Variants in FAM120A observed in about 807,000 individuals in gnomAD.
FAM120A encodes constitutive coactivator of PPAR-gamma-like protein 1.
A neutral mutation model predicts 109.7 loss-of-function variants in FAM120A; 15 were observed. The observed-to-expected ratio is 0.14, with a 90% CI of 0.09 to 0.21. FAM120A has a LOEUF of 0.21. Among genes scored for constraint, FAM120A ranks in the 10% least tolerant of loss-of-function variants. FAM120A has a pLI of 1.00. For missense variants in FAM120A, 899 were observed against 1,439.3 expected (o/e 0.62, Z 6.07); for synonymous variants, 493 against 572.8 (o/e 0.86, Z 1.99).
chr9:93,518,947 C>T (rs1004002044), intron 7 of FAM120A, among the ~76,000 whole-genome samples: 2 of 151,936 alleles, frequency 1.3e-5, no homozygotes, highest in African/African-American at 4.8e-5. Flanking sequence ...TTTTAAAGCT[C>T]ATTAGCTATT....
chr9:93,534,233 A>C (rs1331937119), intron 10 of FAM120A, among the ~76,000 whole-genome samples: 1 of 152,118 alleles, frequency 6.6e-6, no homozygotes, highest in African/African-American at 2.4e-5. Context: ...AAGGGCCAGA[A>C]TATGCAGAGC....
At chr9:93,519,898 C>G (rs1588875453) in intron 7 of FAM120A, among the ~76,000 whole-genome samples, 1 of 152,054 alleles carries the variant, frequency 6.6e-6, no homozygotes, top group Middle Eastern at 3.4e-3. Flanking sequence ...TTTTTAGGGA[C>G]AGGGTCTTGC....
At chr9:93,493,886 G>C (rs1001203142) in intron 3 of FAM120A, among the ~76,000 whole-genome samples, 1 of 152,218 alleles carries the variant, frequency 6.6e-6, no homozygotes, top group Non-Finnish European at 1.5e-5. Context: ...CTCCTGGAGC[G>C]CTCTCTCAGT....
At position 93,532,006 on chromosome 9, in the gene FAM120A, ACATCTT is replaced by A; in HGVS notation, c.1735-148_1735-143del. On this transcript the variant is annotated intron_variant, in intron 9 of 17. Coordinates refer to ENST00000277165, the MANE Select transcript of FAM120A (RefSeq NM_014612.5). This position sits in a 1 kb window ranked among gnomAD's most constrained non-coding sequence, Gnocchi z 4.3. ...AGCCTGCCAAATGAACTCTTCCTAA[ACATCTT>A]TATTTAGGCAAGTTGTTAAGCAGTT... The A allele has an allele frequency of 1.3e-6, 1 of 747,578 alleles. No individual in the cohort carries two copies. The highest frequency in any genetic ancestry group is 2.2e-6 in the Non-Finnish European group (1 of 453,482). The allele number at this position is 747,578 out of a possible 1,614,324, so 46.3% of individuals were successfully genotyped here.
Position 93,498,219 on chromosome 9 carries a change from C to T in FAM120A, c.934-571C>T, listed in dbSNP as rs1391608258. On this transcript the variant is annotated intron_variant, in intron 4 of 17. Coordinates refer to ENST00000277165, the MANE Select transcript of FAM120A (RefSeq NM_014612.5). The surrounding 1 kb of genome is among the most constrained non-coding windows in gnomAD (Gnocchi z 4.4). ...ACTAGCCTGGCCAACATGGTGAAACCCTGTCTCTATTAAAAATACAAAAAT... is the reference window on the plus strand; with the variant it reads ...ACTAGCCTGGCCAACATGGTGAAACTCTGTCTCTATTAAAAATACAAAAAT... 1.3e-5 allele frequency among the ~76,000 whole-genome samples: 2 copies of T among 152,152 alleles called. No individual in the cohort carries two copies. Among genetic ancestry groups the T allele is most frequent in the African/African-American group, 2.4e-5 (1 of 41,432 alleles).
intron 16 of FAM120A, 45 bp from the exon 17 acceptor site, chr9:93,562,163 G>A (rs768833044): frequency 7.0e-7 from 1 of 1,435,082 alleles, no homozygotes; most frequent in Non-Finnish European, 9.8e-7. Flanking sequence ...AATGTTGTCT[G>A]TAACAGATTT....
intron 8 of FAM120A, among the ~76,000 whole-genome samples, chr9:93,528,723 A>G (rs1861197009): frequency 6.6e-6 from 1 of 152,164 alleles, no homozygotes; most frequent in Non-Finnish European, 1.5e-5. Flanking sequence ...GTGGCTTAGC[A>G]GGTTTTTGGG....
intron 10 of FAM120A, among the ~76,000 whole-genome samples, chr9:93,538,388 A>G (rs1020663606): frequency 1.1e-4 from 17 of 152,214 alleles, no homozygotes; most frequent in African/African-American, 3.4e-4. Context: ...AGAAGGAAAA[A>G]AAACAGTCTT....
At chr9:93,541,067 ATGTGTGTGGTGGGGGG>A (rs892593288) in intron 10 of FAM120A, among the ~76,000 whole-genome samples, 1 of 41,596 alleles carries the variant, frequency 2.4e-5, no homozygotes, top group Non-Finnish European at 5.2e-5. Context: ...GTATTGTGGT[ATGTGTGTGGTGGGGGG>A]TGTGTGTGGT....
rs745985423 is a variant in FAM120A at position 93,471,154 on chromosome 9, T to C, written c.488T>C (p.Ile163Thr). 1.2e-6 allele frequency: 2 copies of C among 1,614,196 alleles called. No homozygotes were observed. Among genetic ancestry groups the C allele is most frequent in the South Asian group, 2.2e-5 (2 of 91,080 alleles). The change falls in exon 2 of 18, where the codon ATT (isoleucine) becomes ACT (threonine). Residue 163 changes from isoleucine (I) to threonine (T), a missense_variant. Ile to Thr is a moderately conservative substitution (Grantham distance 89). Transcript: ENST00000277165. ...CTCGTTTGCCAGGTTGCACAGAGCATTGAGGATCACCATCAGGAAGTGATT... is the reference window on the plus strand; with the variant it reads ...CTCGTTTGCCAGGTTGCACAGAGCACTGAGGATCACCATCAGGAAGTGATT... ...IRFHVKVAQS[I>T]EDHHQEVIGF...
At chr9:93,494,930 C>T (rs1438939752) in intron 3 of FAM120A, among the ~76,000 whole-genome samples, 1 of 152,184 alleles carries the variant, frequency 6.6e-6, no homozygotes, top group Non-Finnish European at 1.5e-5. Context: ...GGGCTGAATA[C>T]CTTTGGGCCG....
Position 93,451,837 on chromosome 9 carries a change from C to A in FAM120A, c.-79C>A. 3 of 967,786 alleles carry A rather than the reference C, an allele frequency of 3.1e-6. No homozygotes were observed. The highest frequency in any genetic ancestry group is 3.7e-6 in the Non-Finnish European group (3 of 817,188). 59.9% of individuals were successfully genotyped at this position (967,786 alleles called of 1,614,324 possible). On this transcript the variant is annotated 5_prime_UTR_variant, in exon 1 of 18. Coordinates refer to ENST00000277165, the MANE Select transcript of FAM120A (RefSeq NM_014612.5). ...GAGGCCGCCGCCCCCGCCCGCCAGCCCGCCCGCGCGCCACGGCCCCACCAC... is the reference window on the plus strand; with the variant it reads ...GAGGCCGCCGCCCCCGCCCGCCAGCACGCCCGCGCGCCACGGCCCCACCAC...
At chr9:93,525,107 G>A (rs1477003373) in intron 7 of FAM120A, among the ~76,000 whole-genome samples, 1 of 151,592 alleles carries the variant, frequency 6.6e-6, no homozygotes, top group Non-Finnish European at 1.5e-5. Context: ...CTCAAAAACT[G>A]TTTCTTGTCA....
chr9:93,564,163 T>C (rs568517421), intron 17 of FAM120A, 66 bp from the exon 18 acceptor site: 7 of 1,513,748 alleles, frequency 4.6e-6, no homozygotes, highest in African/African-American at 2.8e-5. Flanking sequence ...TAGGCCAAAA[T>C]TGGCATCCTC....
chr9:93,500,713 G>T lies in FAM120A; in HGVS notation c.1030+1827G>T, dbSNP rs925800835. On this transcript the variant is annotated intron_variant, in intron 5 of 17. Coordinates refer to ENST00000277165, the MANE Select transcript of FAM120A (RefSeq NM_014612.5). This position sits in a 1 kb window ranked among gnomAD's most constrained non-coding sequence, Gnocchi z 4.6. ...GGGCACAGAGCATCAGCAGGAGGGAGACTAGCTGTATACTGTTTCATCAGT... is the reference window on the plus strand; with the variant it reads ...GGGCACAGAGCATCAGCAGGAGGGATACTAGCTGTATACTGTTTCATCAGT... Among the ~76,000 whole-genome samples, 5 of 152,242 alleles carry T rather than the reference G, an allele frequency of 3.3e-5. No individual in the cohort carries two copies. The highest frequency in any genetic ancestry group is 1.2e-4 in the African/African-American group (5 of 41,444).
At chr9:93,487,741 T>C (rs775900629) in intron 3 of FAM120A, among the ~76,000 whole-genome samples, 3 of 152,226 alleles carry the variant, frequency 2.0e-5, no homozygotes, top group Non-Finnish European at 2.9e-5. Flanking sequence ...TTCTTGATTG[T>C]GATAGTAGTT....
chr9:93,459,123 A>T (rs1421690594), intron 1 of FAM120A, among the ~76,000 whole-genome samples: 1 of 152,176 alleles, frequency 6.6e-6, no homozygotes, highest in African/African-American at 2.4e-5. Context: ...TTCTTCATGG[A>T]ATCTCTTGAT....
At chr9:93,554,295 G>A (rs767956777) in intron 12 of FAM120A, among the ~76,000 whole-genome samples, 6 of 152,090 alleles carry the variant, frequency 3.9e-5, no homozygotes, top group African/African-American at 9.7e-5. Context: ...GCAGATAGCC[G>A]TTTGCCGGGT....
intron 5 of FAM120A, among the ~76,000 whole-genome samples, chr9:93,501,185 G>C (rs1859785172): frequency 6.6e-6 from 1 of 152,158 alleles, no homozygotes; most frequent in Non-Finnish European, 1.5e-5. Flanking sequence ...TGTATGGCAG[G>C]TGTAGTTTAG....
Sources: gnomAD v4.1 joint callset for allele counts (sites outside exome capture counted in the v4.1 genomes callset) on GRCh38, gnomAD v4.1.1 for gene constraint, Gnocchi (gnomAD v3.1) non-coding constraint, MANE v1.5 for transcripts, NCBI Gene and HGNC (gene_info 2026-07-23, HGNC 2026-07-21) for gene names.